KAT6A: variants seen among roughly 807,000 people sequenced by gnomAD.
KAT6A encodes the protein lysine acetyltransferase 6A.
Under a neutral mutation model 198.4 loss-of-function variants are expected in KAT6A, and 9 were observed. The observed-to-expected ratio is 0.05, with a 90% CI of 0.03 to 0.08. The LOEUF (loss-of-function observed/expected upper bound fraction) is 0.08. KAT6A is among the 10% of genes least tolerant of loss of function. KAT6A has a pLI of 1.00. For missense variants in KAT6A, 2,077 were observed against 2,509.9 expected (o/e 0.83, Z 3.69); for synonymous variants, 890 against 883.0 (o/e 1.01, Z -0.14).
At chr8:42,005,419 G>A (rs1278622712) in intron 2 of KAT6A, among the ~76,000 whole-genome samples, 1 of 152,208 alleles carries the variant, frequency 6.6e-6, no homozygotes, top group African/African-American at 2.4e-5. Flanking sequence ...AGAAAAGCCA[G>A]TGTGATAAGG....
chr8:42,008,637 G>A lies in KAT6A; in HGVS notation c.601-21074C>T, dbSNP rs190054226. On this transcript the variant is annotated intron_variant, in intron 2 of 16. Transcript: ENST00000265713. ...TGGGATTACAGGCATGAGACACTGC[G>A]CCTGGCCCCTCGAGTGACATTTTTT... Among the ~76,000 whole-genome samples, 189 of 152,086 alleles carry A rather than the reference G, an allele frequency of 1.2e-3. 1 individual carries two copies. The highest frequency in any genetic ancestry group is 3.1e-3 in the South Asian group (15 of 4,810).
intron 11 of KAT6A, among the ~76,000 whole-genome samples, chr8:41,946,890 G>C (rs77695125): frequency 6.6e-6 from 1 of 152,094 alleles, no homozygotes; most frequent in African/African-American, 2.4e-5. Context: ...CATCCCAGGA[G>C]AGTAAAAATA....
Position 41,934,559 on chromosome 8 carries a change from C to T in KAT6A, c.3661G>A (p.Glu1221Lys), listed in dbSNP as rs139494583. 23 of 1,613,894 alleles carry T rather than the reference C, an allele frequency of 1.4e-5. No individual in the cohort carries two copies. Among genetic ancestry groups the T allele is most frequent in the Admixed American group, 1.7e-5 (1 of 59,968 alleles). ...VEPKEDMPLP[E>K]ERKEEEEMQA... is the part of the protein sequence containing the mutation. Reference sequence around the variant, plus strand: ...ATCTCCTCCTCCTCCTTCCTCTCCTCGGGTAGGGGCATGTCTTCTTTTGGC... The same window carrying T: ...ATCTCCTCCTCCTCCTTCCTCTCCTTGGGTAGGGGCATGTCTTCTTTTGGC... Residue 1221 changes from glutamate to lysine, a missense_variant, in exon 17 of 17, where the codon GAG (glutamate) becomes AAG (lysine). Around this residue, in one of 13 missense-constraint regions of KAT6A, gnomAD observed 375 missense variants for 383.0 expected, o/e 0.98. Coordinates refer to ENST00000265713, the MANE Select transcript of KAT6A (RefSeq NM_006766.5).
At chr8:42,045,548 G>A (rs1420037987) in intron 2 of KAT6A, among the ~76,000 whole-genome samples, 1 of 138,474 alleles carries the variant, frequency 7.2e-6, no homozygotes, top group Non-Finnish European at 1.5e-5. Flanking sequence ...GGCAACAAGA[G>A]CGAAATTCCA....
rs1253496486 is a variant in KAT6A at position 41,933,021 on chromosome 8, C to T, written c.5199G>A (p.Glu1733=). 1.2e-6 allele frequency: 2 copies of T among 1,613,886 alleles called. No individual in the cohort carries two copies. Among genetic ancestry groups the T allele is most frequent in the East Asian group, 4.5e-5 (2 of 44,870 alleles). The change falls in exon 17 of 17, where the codon GAG becomes GAA. Residue 1733 remains glutamate, a synonymous_variant. Coordinates refer to ENST00000265713, the MANE Select transcript of KAT6A (RefSeq NM_006766.5). This position sits in a 1 kb window ranked among gnomAD's most constrained non-coding sequence, Gnocchi z 6.2. The stretch of plus-strand genomic sequence containing the variant: ...CGGCACCAAAATCCCCTGGAATCCT[C>T]TCATAGATACTTATGTTCCCAGTGC... ...SGSTGNISIY[E]RIPGDFGAGS... is the part of the protein sequence containing the mutation.
intron 1 of KAT6A, among the ~76,000 whole-genome samples, chr8:42,051,685 ACAAGCGAG>A (rs1167124821): frequency 2.1e-5 from 3 of 144,584 alleles, no homozygotes; most frequent in East Asian, 2.1e-4. Context: ...CGGGCGCCGA[ACAAGCGAG>A]CAAGCGAGCG....
chr8:42,030,672 C>T (rs1052094328), intron 2 of KAT6A, among the ~76,000 whole-genome samples: 2 of 151,854 alleles, frequency 1.3e-5, no homozygotes, highest in Non-Finnish European at 2.9e-5. Context: ...TCCAGTGATA[C>T]TCGTGCCTCA....
At chr8:41,968,154 C>A (rs1823604108) in intron 8 of KAT6A, among the ~76,000 whole-genome samples, 1 of 152,126 alleles carries the variant, frequency 6.6e-6, no homozygotes, top group African/African-American at 2.4e-5. Flanking sequence ...AGCTTCTGCA[C>A]AGCAAAAGAA....
intron 7 of KAT6A, among the ~76,000 whole-genome samples, chr8:41,975,616 G>GA (rs920801820): frequency 2.0e-5 from 3 of 152,086 alleles, no homozygotes; most frequent in Admixed American, 1.3e-4. Flanking sequence ...CAAACTGGAA[G>GA]AAAAAAGTAC....
At position 41,934,193 on chromosome 8, in the gene KAT6A, CCTT is replaced by C. The variant is rs1474566937; in HGVS notation, c.4024_4026del (p.Lys1342del). The C allele has an allele frequency of 6.2e-7, 1 of 1,614,204 alleles. No homozygotes were observed. Among genetic ancestry groups the C allele is most frequent in the South Asian group, 1.1e-5 (1 of 91,070 alleles). On this transcript the variant is annotated inframe_deletion, in exon 17 of 17. Coordinates refer to ENST00000265713, the MANE Select transcript of KAT6A (RefSeq NM_006766.5). ...AAAGACTCTTGAACACCAGGCTCCTCCTTGACATCTTCCCTCGTGGGCTGTTCC... is the reference window on the plus strand; with the variant it reads ...AAAGACTCTTGAACACCAGGCTCCTCGACATCTTCCCTCGTGGGCTGTTCC...
chr8:42,048,702 A>C lies in KAT6A; in HGVS notation c.276T>G (p.Asp92Glu), dbSNP rs1413335057. Residue 92 changes from aspartate (D) to glutamate (E), a missense_variant, in exon 2 of 17, where the codon GAT (aspartate) becomes GAG (glutamate). Physicochemically the swap from Asp to Glu is conservative, Grantham distance 45. Around this residue, in one of 13 missense-constraint regions of KAT6A, gnomAD observed 185 missense variants for 185.7 expected, o/e 1.00. Transcript: ENST00000265713. ...LPKPRNHGKL[D>E]NKQNVDWNKL... is the part of the protein sequence containing the mutation. ...TATTCCAATCCACATTTTGTTTATT[A>C]TCCAATTTTCCATGGTTCCGAGGCT... is the stretch of plus-strand genomic sequence containing the variant. 6.2e-7 allele frequency: 1 copy of C among 1,614,196 alleles called. No homozygotes were observed. Among genetic ancestry groups the C allele is most frequent in the South Asian group, 1.1e-5 (1 of 91,092 alleles).
chr8:41,974,879 G>GA (rs1823971807), intron 7 of KAT6A, 57 bp from the exon 8 acceptor site: 1 of 1,083,366 alleles, frequency 9.2e-7, no homozygotes, highest in Non-Finnish European at 1.4e-6. Flanking sequence ...ACATGAACTA[G>GA]AAAAAATTTC....
At chr8:42,011,638 G>C (rs573829696) in intron 2 of KAT6A, among the ~76,000 whole-genome samples, 76 of 152,204 alleles carry the variant, frequency 5.0e-4, no homozygotes, top group African/African-American at 1.8e-3. Context: ...TACGCAGGAG[G>C]CTGAGGCAGG....
intron 2 of KAT6A, among the ~76,000 whole-genome samples, chr8:42,037,581 A>C (rs1008366083): frequency 6.6e-6 from 1 of 152,156 alleles, no homozygotes; most frequent in Non-Finnish European, 1.5e-5. Flanking sequence ...CTGGAGGAAA[A>C]CGCAGCCCAT....
At position 41,980,850 on chromosome 8, in the gene KAT6A, T is replaced by C. The variant is rs147694099; in HGVS notation, c.903A>G (p.Pro301=). 2.6e-5 allele frequency: 42 copies of C among 1,609,064 alleles called. No individual in the cohort carries two copies. The African/African-American group carries it at 4.1e-4, about 16-fold the overall frequency. The stretch of plus-strand genomic sequence containing the variant: ...ATTTCAGAAAGTATTTCTCACCTTT[T>C]GGCATACGGGTGAGTGGCGGATCAC... The part of the protein sequence containing the change: ...ECCDPPLTRM[P]KGMWICQICR... Residue 301 remains proline (P), a synonymous_variant, in exon 5 of 17, where the codon CCA becomes CCG. Transcript: ENST00000265713.
intron 2 of KAT6A, among the ~76,000 whole-genome samples, chr8:42,044,955 T>C (rs1025867675): frequency 6.6e-6 from 1 of 152,208 alleles, no homozygotes; most frequent in East Asian, 1.9e-4. Flanking sequence ...ACTGACTGCG[T>C]AGTTCGAAGG....
intron 2 of KAT6A, among the ~76,000 whole-genome samples, chr8:42,046,409 G>C (rs1012631223): frequency 2.6e-5 from 4 of 152,016 alleles, no homozygotes; most frequent in Admixed American, 2.6e-4. Flanking sequence ...GGTGGTGCAT[G>C]TCTGTAATCC....
intron 13 of KAT6A, 62 bp downstream of exon 13, chr8:41,943,686 C>T (rs1822251797): frequency 1.8e-6 from 2 of 1,112,576 alleles, no homozygotes; most frequent in Admixed American, 1.8e-5. Flanking sequence ...ATCTGACTGG[C>T]TGATCCAAAA....
At position 42,046,107 on chromosome 8, in the gene KAT6A, G is replaced by A. The variant is rs187645787; in HGVS notation, c.600+2271C>T. Among the ~76,000 whole-genome samples, 10 of 152,092 alleles carry A rather than the reference G, an allele frequency of 6.6e-5. 1 individual carries two copies. The highest frequency in any genetic ancestry group is 2.4e-4 in the African/African-American group (10 of 41,484). On this transcript the variant is annotated intron_variant, in intron 2 of 16. Transcript: ENST00000265713. The stretch of plus-strand genomic sequence containing the variant: ...GTCCCTTCCAAAAGTAAAATCTCAG[G>A]GTTCTAGGACTTGGATTTGTCTTGC...
Sources: allele counts gnomAD v4.1 joint callset (sites outside exome capture counted in the v4.1 genomes callset), GRCh38; gene constraint gnomAD v4.1.1; regional missense constraint gnomAD v4.1.1; non-coding constraint Gnocchi (gnomAD v3.1); transcripts MANE v1.5; gene names NCBI Gene and HGNC (gene_info 2026-07-23, HGNC 2026-07-21).